The following CRB1 variants were observed in gnomAD, a reference collection of about 807,000 sequenced individuals.
CRB1 encodes the protein crumbs cell polarity complex component 1, also known as protein crumbs homolog 1.
CRB1 carries 83 observed loss-of-function variants against 120.0 expected under a neutral mutation model. That is an observed-to-expected ratio of 0.69 (90% CI 0.58 to 0.83). The LOEUF (loss-of-function observed/expected upper bound fraction) is 0.83. Among genes scored for constraint, CRB1 ranks in the 40% least tolerant of loss-of-function variants. The pLI, the probability that CRB1 is intolerant of heterozygous loss-of-function variation, is 0.00. For synonymous variants in CRB1, 625 were observed against 612.5 expected (o/e 1.02, Z -0.30); for missense variants, 1,699 against 1,687.6 (o/e 1.01, Z -0.12).
chr1:197,282,645 G>T (rs947497462), intron 1 of CRB1, among the ~76,000 whole-genome samples: 7 of 151,798 alleles, frequency 4.6e-5, no homozygotes, highest in Non-Finnish European at 7.4e-5. Flanking sequence ...ATTTCCTGCA[G>T]TCTCTTAAGA....
chr1:197,260,790 A>G, the CRB1 span, among the ~76,000 whole-genome samples: 2 of 151,464 alleles, frequency 1.3e-5, no homozygotes, highest in South Asian at 2.1e-4. Flanking sequence ...TCCGCCTCCC[A>G]GGTTCAAGAG....
intron 11 of CRB1, among the ~76,000 whole-genome samples, chr1:197,468,665 A>G (rs6694254): frequency 0.94 from 143,182 of 152,182 alleles, 68,011 homozygotes; most frequent in East Asian, 1. Flanking sequence ...GTCCTGAAGG[A>G]AGGGATAGAT....
At chr1:197,231,145 T>G in the CRB1 span, among the ~76,000 whole-genome samples, 2 of 152,186 alleles carry the variant, frequency 1.3e-5, no homozygotes, top group Non-Finnish European at 2.9e-5. Flanking sequence ...AATTATAGCT[T>G]CTTTATTACA....
At chr1:197,421,995 C>T in intron 6 of CRB1, 39 bp downstream of exon 6, 1 of 1,587,804 alleles carries the variant, frequency 6.3e-7, no homozygotes, top group Non-Finnish European at 8.6e-7. Flanking sequence ...GAGTGCCATG[C>T]CTCAGAGCAG....
Position 197,429,483 on chromosome 1 carries a change from C to T in CRB1, c.2711C>T (p.Ser904Phe). 6.2e-7 allele frequency: 1 copy of T among 1,613,966 alleles called. No individual in the cohort carries two copies. Residue 904 changes from serine (S) to phenylalanine (F), a missense_variant, in exon 8 of 12, where the codon TCC (serine) becomes TTC (phenylalanine). Physicochemically the swap from Ser to Phe is radical, Grantham distance 155. Coordinates refer to ENST00000367400, the MANE Select transcript of CRB1 (RefSeq NM_201253.3). ...TGTCACAATGGAGGTGTTTGCCATT[C>T]CCGGTGGGATGACTTCTCCTGTTCC... ...NPCHNGGVCH[S>F]RWDDFSCSCP... is the part of the protein sequence containing the mutation.
intron 1 of CRB1, among the ~76,000 whole-genome samples, chr1:197,313,567 G>T (rs894361533): frequency 6.6e-6 from 1 of 152,038 alleles, no homozygotes; most frequent in African/African-American, 2.4e-5. Context: ...ATCAAATTGC[G>T]TTTTTGTACC....
intron 4 of CRB1, among the ~76,000 whole-genome samples, chr1:197,349,826 C>A (rs1015135439): frequency 1.1e-4 from 16 of 152,112 alleles, no homozygotes; most frequent in Admixed American, 2.0e-4. Context: ...TTTGGCTGGG[C>A]GCGGTGGCTC....
chr1:197,304,534 C>A, intron 1 of CRB1: 1 of 231,914 alleles, frequency 4.3e-6, no homozygotes, highest in Non-Finnish European at 7.1e-6. Context: ...GGTTGACTTG[C>A]TCAGCCTTCA....
intron 5 of CRB1, among the ~76,000 whole-genome samples, chr1:197,363,332 T>TA (rs929182254): frequency 3.2e-4 from 49 of 151,754 alleles, no homozygotes; most frequent in Admixed American, 8.5e-4. Flanking sequence ...TTTTTTTTTT[T>TA]AAATCATTTT....
intron 11 of CRB1, among the ~76,000 whole-genome samples, chr1:197,468,597 A>G (rs930305367): frequency 3.3e-5 from 5 of 152,178 alleles, no homozygotes; most frequent in Non-Finnish European, 7.4e-5. Context: ...CACTTGGGCA[A>G]AGCACTGCAT....
chr1:197,409,730 A>G (rs1663601411), intron 5 of CRB1, among the ~76,000 whole-genome samples: 1 of 152,198 alleles, frequency 6.6e-6, no homozygotes, highest in Non-Finnish European at 1.5e-5. Context: ...ATGGCCACAT[A>G]AATAAAGCAC....
the CRB1 span, among the ~76,000 whole-genome samples, chr1:197,237,111 A>G: frequency 6.6e-6 from 1 of 151,894 alleles, no homozygotes; most frequent in African/African-American, 2.4e-5. Context: ...TTCTGCCTCA[A>G]ATGTTTGGTA....
At chr1:197,332,136 T>A (rs975411513) in intron 2 of CRB1, among the ~76,000 whole-genome samples, 81 of 151,834 alleles carry the variant, frequency 5.3e-4, no homozygotes, top group African/African-American at 1.8e-3. Flanking sequence ...TGAGACCCTG[T>A]CTCAAAAAAA....
chr1:197,371,465 C>G (rs1661367485), intron 5 of CRB1, among the ~76,000 whole-genome samples: 1 of 152,132 alleles, frequency 6.6e-6, no homozygotes, highest in African/African-American at 2.4e-5. Context: ...CCAATACCTC[C>G]TCCCTCATTG....
intron 11 of CRB1, chr1:197,442,613 A>G: frequency 1.7e-6 from 2 of 1,197,512 alleles, no homozygotes; most frequent in East Asian, 2.7e-5. Flanking sequence ...AACTTTAAAT[A>G]TGAAAAAAGT....
chr1:197,224,631 T>C, the CRB1 span, among the ~76,000 whole-genome samples: 1 of 152,144 alleles, frequency 6.6e-6, no homozygotes, highest in Non-Finnish European at 1.5e-5. Context: ...CATAATTTTA[T>C]TCTTCTGTTA....
At chr1:197,317,199 C>T (rs1657904602) in intron 1 of CRB1, among the ~76,000 whole-genome samples, 1 of 152,138 alleles carries the variant, frequency 6.6e-6, no homozygotes, top group African/African-American at 2.4e-5. Context: ...GGGTGAATCA[C>T]CCGAGGTCAA....
upstream of CRB1, among the ~76,000 whole-genome samples, chr1:197,266,864 C>T (rs753934817): frequency 1.3e-4 from 20 of 152,042 alleles, no homozygotes; most frequent in Non-Finnish European, 2.6e-4. Context: ...GTCTATCAAT[C>T]GGCCTTCCAT....
chr1:197,370,849 G>A (rs958545160), intron 5 of CRB1, among the ~76,000 whole-genome samples: 1 of 152,028 alleles, frequency 6.6e-6, no homozygotes, highest in African/African-American at 2.4e-5. Flanking sequence ...TCATTTTGAG[G>A]ATTTCAGCAT....
Sources: gnomAD v4.1 joint callset for allele counts (sites outside exome capture counted in the v4.1 genomes callset) on GRCh38, gnomAD v4.1.1 for gene constraint, MANE v1.5 for transcripts, NCBI Gene and HGNC (gene_info 2026-07-23, HGNC 2026-07-21) for gene names.